Variants in STPG2 observed in about 807,000 individuals in gnomAD.
The protein encoded by STPG2 is sperm-tail PG-rich repeat-containing protein 2.
STPG2 carries 56 observed loss-of-function variants against 54.2 expected under a neutral mutation model. The ratio of observed to expected loss-of-function variants is 1.03; its 90% CI spans 0.83 to 1.29. The LOEUF is 1.29. STPG2 is among the 50% of genes most tolerant of loss of function. STPG2 has a pLI of 0.00. For synonymous variants in STPG2, 200 were observed against 181.8 expected, an observed-to-expected ratio of 1.10 and a Z score of -0.81; for missense variants, 596 against 544.9, an observed-to-expected ratio of 1.09 and a Z score of -0.93.
intron 5 of STPG2, among the ~76,000 whole-genome samples, chr4:98,087,027 T>C (rs1053069214): frequency 1.3e-5 from 2 of 152,338 alleles, no homozygotes; most frequent in African/African-American, 4.8e-5. Context: ...ATAAACATTT[T>C]TGAAAAATTA....
At chr4:97,539,318 G>C (rs971095587) in intron 4 of STPG2, among the ~76,000 whole-genome samples, 17 of 151,986 alleles carry the variant, frequency 1.1e-4, no homozygotes, top group African/African-American at 2.7e-4. Context: ...CAGAGACACA[G>C]ACAGGCTCAA....
intron 10 of STPG2, among the ~76,000 whole-genome samples, chr4:97,641,515 G>C (rs1422881503): frequency 6.6e-6 from 1 of 151,168 alleles, no homozygotes; most frequent in Non-Finnish European, 1.5e-5. Flanking sequence ...GTCTGAAGCA[G>C]AACATGTTGT....
In STPG2 at chr4:97,593,981, A is replaced by G. The variant is rs146839769; in HGVS notation, c.1321-34864T>C. Among the ~76,000 whole-genome samples the G allele has an allele frequency of 3.3e-3, 500 of 152,314 alleles. 3 individuals carry two copies. The highest frequency in any genetic ancestry group is 0.011 in the African/African-American group (476 of 41,572). On this transcript the variant is annotated intron_variant, in intron 10 of 10. Coordinates refer to ENST00000295268, the MANE Select transcript of STPG2 (RefSeq NM_174952.3). ...AAAACTCCCAAGGACAGCAAAGAAGATAAAAGCATAAAGCCCCATCCAAAG... is the reference window on the plus strand; with the variant it reads ...AAAACTCCCAAGGACAGCAAAGAAGGTAAAAGCATAAAGCCCCATCCAAAG...
intron 9 of STPG2, among the ~76,000 whole-genome samples, chr4:97,759,962 T>C (rs1254539025): frequency 3.3e-5 from 5 of 152,144 alleles, no homozygotes; most frequent in Non-Finnish European, 5.9e-5. Flanking sequence ...TGAATCAGAC[T>C]GTGTCACTTC....
chr4:97,637,897 T>G (rs1299756403), intron 10 of STPG2, among the ~76,000 whole-genome samples: 1 of 151,894 alleles, frequency 6.6e-6, no homozygotes. Flanking sequence ...AGAATCAATA[T>G]CGTGAAAATG....
At chr4:97,970,981 C>T (rs1387615008) in intron 7 of STPG2, among the ~76,000 whole-genome samples, 1 of 152,118 alleles carries the variant, frequency 6.6e-6, no homozygotes, top group Non-Finnish European at 1.5e-5. Context: ...ACAACCCCAG[C>T]AAAAAGTGGG....
chr4:98,039,727 C>T (rs783971), intron 5 of STPG2, among the ~76,000 whole-genome samples: 129,859 of 151,208 alleles, frequency 0.86, 55,901 homozygotes, highest in Middle Eastern at 0.97. Flanking sequence ...CAGTCATCCA[C>T]TGATGGACAC....
chr4:97,857,292 C>G (rs908366111), intron 8 of STPG2, among the ~76,000 whole-genome samples: 6 of 151,922 alleles, frequency 3.9e-5, no homozygotes, highest in African/African-American at 1.5e-4. Context: ...TGGTGTTGGG[C>G]TTTTTCTTGG....
chr4:97,840,693 C>T (rs1449727528), intron 9 of STPG2, 80 bp downstream of exon 9: 2 of 1,474,884 alleles, frequency 1.4e-6, no homozygotes, highest in African/African-American at 1.4e-5. Flanking sequence ...CTCCAAGAAC[C>T]TATCAATGAT....
intron 4 of STPG2, among the ~76,000 whole-genome samples, chr4:97,485,880 A>G (rs1456908464): frequency 6.6e-6 from 1 of 151,856 alleles, no homozygotes; most frequent in South Asian, 2.1e-4. Flanking sequence ...GAACCCAGAA[A>G]TAAACCCAAA....
intron 8 of STPG2, among the ~76,000 whole-genome samples, chr4:97,938,820 C>T (rs1232227648): frequency 6.6e-6 from 1 of 151,948 alleles, no homozygotes; most frequent in Non-Finnish European, 1.5e-5. Flanking sequence ...ACCTGGATAC[C>T]TTGGTTGCCA....
chr4:97,596,929 A>T (rs1165409044), intron 10 of STPG2, among the ~76,000 whole-genome samples: 1 of 150,716 alleles, frequency 6.6e-6, no homozygotes, highest in Non-Finnish European at 1.5e-5. Flanking sequence ...AGCTGAACTG[A>T]AAAAAAAATG....
intron 6 of STPG2, among the ~76,000 whole-genome samples, chr4:97,976,074 T>C (rs1245615212): frequency 6.6e-6 from 1 of 152,176 alleles, no homozygotes; most frequent in Non-Finnish European, 1.5e-5. Flanking sequence ...TTCTGACACA[T>C]ATAAGATTTC....
intron 5 of STPG2, among the ~76,000 whole-genome samples, chr4:98,018,095 T>C (rs1388950633): frequency 1.3e-5 from 2 of 152,116 alleles, no homozygotes; most frequent in African/African-American, 4.8e-5. Context: ...TGTATACATG[T>C]GCCATGTTGG....
At chr4:97,802,096 T>C (rs942976305) in intron 9 of STPG2, among the ~76,000 whole-genome samples, 1 of 152,134 alleles carries the variant, frequency 6.6e-6, no homozygotes, top group Admixed American at 6.5e-5. Context: ...CCAGGTGATT[T>C]TGATGCTGTT....
At chr4:97,521,073 G>C (rs941217622) in intron 4 of STPG2, among the ~76,000 whole-genome samples, 3 of 151,792 alleles carry the variant, frequency 2.0e-5, no homozygotes, top group Admixed American at 1.3e-4. Context: ...TGTACATTCT[G>C]ATAAAAAATA....
chr4:98,030,228 A>G (rs2149299196), intron 5 of STPG2, among the ~76,000 whole-genome samples: 1 of 152,260 alleles, frequency 6.6e-6, no homozygotes, highest in Non-Finnish European at 1.5e-5. Context: ...CTCTATCACC[A>G]CCATCTGATT....
intron 9 of STPG2, among the ~76,000 whole-genome samples, chr4:97,829,524 T>A (rs1368675432): frequency 2.0e-5 from 3 of 152,098 alleles, no homozygotes; most frequent in Non-Finnish European, 4.4e-5. Context: ...GAGAATGAGT[T>A]TGATGAATTG....
At chr4:98,029,885 A>G (rs1736539323) in intron 5 of STPG2, among the ~76,000 whole-genome samples, 1 of 152,198 alleles carries the variant, frequency 6.6e-6, no homozygotes, top group Non-Finnish European at 1.5e-5. Flanking sequence ...GAAAGGCCAA[A>G]GTAACACACC....
Sources: allele counts gnomAD v4.1 joint callset (sites outside exome capture counted in the v4.1 genomes callset), GRCh38; gene constraint gnomAD v4.1.1; transcripts MANE v1.5; gene names NCBI Gene and HGNC (gene_info 2026-07-23, HGNC 2026-07-21).